The following ANGPT2 variants were observed in gnomAD, a reference collection of about 807,000 sequenced individuals.
ANGPT2 encodes angiopoietin 2.
In ANGPT2, 28 loss-of-function variants were observed where a neutral mutation model predicts 62.9. That is an observed-to-expected ratio of 0.44 (90% CI 0.33 to 0.61). The LOEUF (loss-of-function observed/expected upper bound fraction) is 0.61. Ranked by LOEUF, ANGPT2 falls within the 20% of genes least tolerant of loss-of-function variation. ANGPT2 has a pLI of 0.03. For synonymous variants in ANGPT2, 284 were observed against 207.8 expected (o/e 1.37, Z -3.15); for missense variants, 727 against 594.9 (o/e 1.22, Z -2.31).
At chr8:6,548,675 A>G (rs57554390) in intron 1 of ANGPT2, among the ~76,000 whole-genome samples, 68 of 152,316 alleles carry the variant, frequency 4.5e-4, no homozygotes, top group African/African-American at 1.5e-3. Flanking sequence ...AGATTTGAAA[A>G]AAGGAAGAAA....
At chr8:6,505,504 T>C (rs1280367235) in intron 8 of ANGPT2, among the ~76,000 whole-genome samples, 272 of 4,422 alleles carry the variant, frequency 0.062, 11 homozygotes, top group African/African-American at 0.1. Flanking sequence ...TTTATATATG[T>C]ATATATAGAA....
At chr8:6,507,579 T>TCC (rs1814018649) in intron 8 of ANGPT2, 1 of 127,144 alleles carries the variant, frequency 7.9e-6, no homozygotes, top group African/African-American at 3.4e-5. Flanking sequence ...TTTCTTTTTT[T>TCC]TTTTTTTTTT....
intron 1 of ANGPT2, among the ~76,000 whole-genome samples, chr8:6,555,205 G>A (rs1824376457): frequency 6.6e-6 from 1 of 152,140 alleles, no homozygotes; most frequent in African/African-American, 2.4e-5. Flanking sequence ...CATTTTTGGT[G>A]ATCCAGTCTG....
At chr8:6,512,888 C>T (rs1347299482) in intron 7 of ANGPT2, among the ~76,000 whole-genome samples, 1 of 152,192 alleles carries the variant, frequency 6.6e-6, no homozygotes, top group Non-Finnish European at 1.5e-5. Flanking sequence ...ACTAACCATC[C>T]CACCTAACTC....
chr8:6,517,328 G>A (rs1034579279), intron 5 of ANGPT2, among the ~76,000 whole-genome samples: 3 of 152,158 alleles, frequency 2.0e-5, no homozygotes, highest in African/African-American at 7.2e-5. Context: ...TCAACTCTGA[G>A]GCAATGATTA....
chr8:6,524,494 T>C (rs1817966956), intron 3 of ANGPT2, among the ~76,000 whole-genome samples: 1 of 152,190 alleles, frequency 6.6e-6, no homozygotes, highest in African/African-American at 2.4e-5. Context: ...CTTACTTTCC[T>C]AGGAACCGAA....
intron 7 of ANGPT2, among the ~76,000 whole-genome samples, chr8:6,512,251 T>C (rs1250597095): frequency 1.3e-5 from 2 of 152,182 alleles, no homozygotes; most frequent in Non-Finnish European, 2.9e-5. Flanking sequence ...GAGTTTTCAG[T>C]TGGTTGTTCA....
chr8:6,557,726 C>T (rs1824872890), intron 1 of ANGPT2, among the ~76,000 whole-genome samples: 1 of 148,390 alleles, frequency 6.7e-6, no homozygotes, highest in South Asian at 2.2e-4. Flanking sequence ...TACATATATA[C>T]AGGGAGAGAT....
intron 3 of ANGPT2, among the ~76,000 whole-genome samples, chr8:6,526,136 G>A (rs920321121): frequency 6.6e-6 from 1 of 151,706 alleles, no homozygotes; most frequent in Non-Finnish European, 1.5e-5. Context: ...TTAAGAAAAC[G>A]ACGCCAGGTA....
In ANGPT2 at chr8:6,502,350, G is replaced by T. The variant is rs1812350000; in HGVS notation, c.*751C>A. On this transcript the variant is annotated 3_prime_UTR_variant, in exon 9 of 9. Coordinates refer to ENST00000629816, the MANE Select transcript of ANGPT2 (RefSeq NM_001118887.2). ...AAATACCTTCATATTTAACAATCAG[G>T]CAGAAAAAAATAGTACGGTCTGCAT... The T allele has an allele frequency of 6.6e-6, 1 of 151,952 alleles. No individual in the cohort carries two copies. Among genetic ancestry groups the T allele is most frequent in the Non-Finnish European group, 1.5e-5 (1 of 67,968 alleles). The allele number at this position is 151,952 out of a possible 1,614,324, so 9.4% of individuals were successfully genotyped here.
At chr8:6,552,816 T>C (rs201784354) in intron 1 of ANGPT2, among the ~76,000 whole-genome samples, 1 of 104,878 alleles carries the variant, frequency 9.5e-6, no homozygotes, top group Admixed American at 8.3e-5. Flanking sequence ...TTATTCCTGC[T>C]TTTTTTTTTT....
At chr8:6,547,885 A>ATT (rs78972556) in intron 1 of ANGPT2, among the ~76,000 whole-genome samples, 2 of 119,084 alleles carry the variant, frequency 1.7e-5, no homozygotes. Context: ...TCTTACCCCC[A>ATT]TTTTTTTTTT....
intron 5 of ANGPT2, among the ~76,000 whole-genome samples, chr8:6,515,341 G>C (rs1816046402): frequency 6.6e-6 from 1 of 152,124 alleles, no homozygotes; most frequent in African/African-American, 2.4e-5. Flanking sequence ...CAGATTTTTT[G>C]GTTCACATCT....
chr8:6,504,330 A>AAG (rs1812831671), intron 8 of ANGPT2, among the ~76,000 whole-genome samples: 1 of 151,446 alleles, frequency 6.6e-6, no homozygotes, highest in East Asian at 1.9e-4. Flanking sequence ...AAAAAAAAAA[A>AAG]AAAAAAAGAA....
chr8:6,551,085 T>C (rs544594991), intron 1 of ANGPT2, among the ~76,000 whole-genome samples: 1 of 152,328 alleles, frequency 6.6e-6, no homozygotes, highest in South Asian at 2.1e-4. Flanking sequence ...AGGGATTTCC[T>C]TGGGTGCTTA....
At chr8:6,507,894 A>G (rs188701766) in intron 8 of ANGPT2, 4 of 152,044 alleles carry the variant, frequency 2.6e-5, no homozygotes, top group Admixed American at 6.5e-5. Flanking sequence ...GAAAAATAAC[A>G]TTTTCTAAAA....
Position 6,530,735 on chromosome 8 carries a change from T to C in ANGPT2, c.444+1597A>G, listed in dbSNP as rs147104103. On this transcript the variant is annotated intron_variant, in intron 2 of 8. Coordinates refer to ENST00000629816, the MANE Select transcript of ANGPT2 (RefSeq NM_001118887.2). ...GTGGAAAGACCTGGTAGTCAAGTAA[T>C]TTGTTATTCTATTCTCTTATCTGTA... 2.2e-3 allele frequency among the ~76,000 whole-genome samples: 328 copies of C among 152,308 alleles called. 2 individuals carry two copies. Among genetic ancestry groups the C allele is most frequent in the African/African-American group, 7.3e-3 (302 of 41,558 alleles).
chr8:6,509,157 G>T, intron 7 of ANGPT2, 95 bp from the exon 8 acceptor site: 3 of 1,483,856 alleles, frequency 2.0e-6, no homozygotes, highest in Non-Finnish European at 1.8e-6. Context: ...TTCTACAGAA[G>T]CGTGTTCTGT....
chr8:6,525,444 A>C (rs538692566), intron 3 of ANGPT2, among the ~76,000 whole-genome samples: 1 of 152,160 alleles, frequency 6.6e-6, no homozygotes, highest in Non-Finnish European at 1.5e-5. Flanking sequence ...TGCCCTGGCT[A>C]GTCTCAAACT....
Sources: gnomAD v4.1 joint callset for allele counts (sites outside exome capture counted in the v4.1 genomes callset) on GRCh38, gnomAD v4.1.1 for gene constraint, MANE v1.5 for transcripts, NCBI Gene and HGNC (gene_info 2026-07-23, HGNC 2026-07-21) for gene names.